The following DLGAP4 variants were observed in gnomAD, a reference collection of about 807,000 sequenced individuals.
DLGAP4 encodes the protein DLG associated protein 4.
Under a neutral mutation model 86.9 loss-of-function variants are expected in DLGAP4, and 18 were observed. That is an observed-to-expected ratio of 0.21 (90% confidence interval 0.14 to 0.31). DLGAP4 has a LOEUF of 0.31. DLGAP4 is among the 10% of genes least tolerant of loss of function. The probability of loss-of-function intolerance (pLI) is 1.00; values close to 1 mark genes in which losing one functional copy is unlikely to be tolerated. For synonymous variants in DLGAP4, 548 were observed against 574.3 expected, an observed-to-expected ratio of 0.95 and a Z score of 0.65; for missense variants, 1,085 against 1,362.6, an observed-to-expected ratio of 0.80 and a Z score of 3.21.
At chr20:36,465,927 C>T (rs2034331718) in intron 7 of DLGAP4, among the ~76,000 whole-genome samples, 1 of 152,200 alleles carries the variant, frequency 6.6e-6, no homozygotes, top group South Asian at 2.1e-4. Flanking sequence ...TCAAATGCCA[C>T]CTCCCCCAGG....
intron 2 of DLGAP4, among the ~76,000 whole-genome samples, chr20:36,373,774 C>T (rs1403841959): frequency 6.6e-6 from 1 of 152,100 alleles, no homozygotes; most frequent in East Asian, 1.9e-4. Context: ...GGCTCATGCC[C>T]GTAATCCCAG....
At chr20:36,442,590 C>T (rs549063337) in intron 5 of DLGAP4, 137 bp from the exon 6 acceptor site, 36 of 908,010 alleles carry the variant, frequency 4.0e-5, no homozygotes, top group Non-Finnish European at 6.0e-5. Context: ...AGTGAGACCT[C>T]CTAGCAGCTG....
intron 2 of DLGAP4, among the ~76,000 whole-genome samples, chr20:36,407,644 A>G (rs941935068): frequency 6.6e-6 from 1 of 152,046 alleles, no homozygotes; most frequent in African/African-American, 2.4e-5. Flanking sequence ...CAGGCAGAAG[A>G]TATGGCAACC....
rs781112657 is a variant in DLGAP4 at position 36,437,247 on chromosome 20, C to CCACA, written c.1241+898_1241+901dup. Among the ~76,000 whole-genome samples the CCACA allele has an allele frequency of 5.3e-5, 8 of 152,324 alleles. No individual in the cohort carries two copies. The East Asian group carries it at 7.7e-4, about 15-fold the overall frequency. On this transcript the variant is annotated intron_variant, in intron 4 of 12. Coordinates refer to ENST00000339266, the MANE Select transcript of DLGAP4 (RefSeq NM_001365621.2). ...TGGAGAACTACCCCTTGAGCCCCAC[C>CCACA]CACAGTTCAGCCCTGACCACAGGTG...
At chr20:36,525,544 G>T in intron 11 of DLGAP4, 1 of 435,282 alleles carries the variant, frequency 2.3e-6, no homozygotes, top group Non-Finnish European at 4.3e-6. Context: ...GTCACACCAT[G>T]GCCAAGAACT....
At chr20:36,324,623 A>C (rs2065199503) in intron 1 of DLGAP4, among the ~76,000 whole-genome samples, 1 of 152,150 alleles carries the variant, frequency 6.6e-6, no homozygotes, top group Non-Finnish European at 1.5e-5. Flanking sequence ...CCTTTCGAAA[A>C]TCAATTAACC....
intron 7 of DLGAP4, among the ~76,000 whole-genome samples, chr20:36,458,080 G>A (rs912599452): frequency 6.6e-6 from 1 of 152,150 alleles, no homozygotes; most frequent in African/African-American, 2.4e-5. Context: ...GGTAAGAGGT[G>A]AGGTTCGAGG....
At chr20:36,503,477 G>GC in intron 10 of DLGAP4, among the ~76,000 whole-genome samples, 1 of 138,548 alleles carries the variant, frequency 7.2e-6, no homozygotes, top group Non-Finnish European at 1.5e-5. Context: ...ACCATATATG[G>GC]CCTTTTTTTT....
chr20:36,516,661 G>A (rs888614361), intron 10 of DLGAP4, among the ~76,000 whole-genome samples: 16 of 132,880 alleles, frequency 1.2e-4, no homozygotes, highest in Admixed American at 1.2e-3. Context: ...GCTAGACTCC[G>A]TCTCAGGAAA....
chr20:36,421,661 G>A (rs1230780539), intron 2 of DLGAP4, among the ~76,000 whole-genome samples: 1 of 151,968 alleles, frequency 6.6e-6, no homozygotes, highest in East Asian at 1.9e-4. Context: ...TGCTGGGGTA[G>A]TGAAAGAGGA....
At chr20:36,439,619 G>C in intron 4 of DLGAP4, 135 bp from the exon 5 acceptor site, 1 of 705,694 alleles carries the variant, frequency 1.4e-6, no homozygotes, top group Non-Finnish European at 2.4e-6. Flanking sequence ...TCAAATACAA[G>C]CTGGTGCTGC....
Position 36,432,099 on chromosome 20 carries a change from G to A in DLGAP4, c.382G>A (p.Glu128Lys), listed in dbSNP as rs758516742. ...CAGCACCCTCCAATTTCCCCGTGGCGAGGCCAAGGCCCGTGGTGAGAGCCC... is the reference window on the plus strand; with the variant it reads ...CAGCACCCTCCAATTTCCCCGTGGCAAGGCCAAGGCCCGTGGTGAGAGCCC... ...GFSTLQFPRG[E>K]AKARGESPGR... Residue 128 changes from glutamate (E) to lysine (K), a missense_variant, in exon 3 of 13, where the codon GAG becomes AAG. By Grantham distance (56) the Glu-to-Lys change is moderately conservative. Coordinates refer to ENST00000339266, the MANE Select transcript of DLGAP4 (RefSeq NM_001365621.2). This position sits in a 1 kb window ranked among gnomAD's most constrained non-coding sequence, Gnocchi z 6.5. 43 of 1,614,024 alleles carry A rather than the reference G, an allele frequency of 2.7e-5. No individual in the cohort carries two copies. The highest frequency in any genetic ancestry group is 2.8e-5 in the Non-Finnish European group (33 of 1,180,046).
intron 7 of DLGAP4, among the ~76,000 whole-genome samples, chr20:36,487,583 C>T (rs534249482): frequency 6.6e-6 from 1 of 152,336 alleles, no homozygotes; most frequent in African/African-American, 2.4e-5. Flanking sequence ...CACTCAGCAT[C>T]TGTCCTCCCA....
intron 3 of DLGAP4, among the ~76,000 whole-genome samples, chr20:36,435,879 C>G (rs1163398631): frequency 6.6e-6 from 1 of 152,168 alleles, no homozygotes; most frequent in Non-Finnish European, 1.5e-5. Flanking sequence ...CTGGGGCAAA[C>G]CCAGCCTGGG....
chr20:36,404,919 G>A (rs1010293471), intron 2 of DLGAP4, among the ~76,000 whole-genome samples: 32 of 152,334 alleles, frequency 2.1e-4, no homozygotes, highest in African/African-American at 7.5e-4. Context: ...CTGGAGGGAG[G>A]CAGCTGCGGT....
At chr20:36,484,496 G>T (rs1235888679) in intron 7 of DLGAP4, among the ~76,000 whole-genome samples, 1 of 152,246 alleles carries the variant, frequency 6.6e-6, no homozygotes, top group East Asian at 1.9e-4. Context: ...TCCCTCTCAG[G>T]CCTCTGCTCC....
chr20:36,336,620 ACT>A (rs1379326395), intron 1 of DLGAP4, among the ~76,000 whole-genome samples: 13 of 151,932 alleles, frequency 8.6e-5, no homozygotes, highest in Non-Finnish European at 2.9e-5. Context: ...TGGATGAGTG[ACT>A]CTCCTAACTG....
In DLGAP4 at chr20:36,395,278, A is replaced by G. The variant is rs144843556; in HGVS notation, c.-73+28003A>G. ...GTATTGTTGCATGACATTATATTATATATTCATTTACCTGTTACCTGTCTC... is the reference window on the plus strand; with the variant it reads ...GTATTGTTGCATGACATTATATTATGTATTCATTTACCTGTTACCTGTCTC... On this transcript the variant is annotated intron_variant, in intron 2 of 12. Transcript: ENST00000339266. Among the ~76,000 whole-genome samples, 110 of 152,212 alleles carry G rather than the reference A, an allele frequency of 7.2e-4. 1 individual carries two copies. The highest frequency in any genetic ancestry group is 2.6e-3 in the African/African-American group (107 of 41,518).
At chr20:36,356,286 G>A (rs1292567033) in intron 1 of DLGAP4, among the ~76,000 whole-genome samples, 1 of 151,728 alleles carries the variant, frequency 6.6e-6, no homozygotes, top group Non-Finnish European at 1.5e-5. Context: ...AGCTTGAGAT[G>A]GTTTCATTGT....
Sources: gnomAD v4.1 joint callset for allele counts (sites outside exome capture counted in the v4.1 genomes callset) on GRCh38, gnomAD v4.1.1 for gene constraint, Gnocchi (gnomAD v3.1) non-coding constraint, MANE v1.5 for transcripts, NCBI Gene and HGNC (gene_info 2026-07-23, HGNC 2026-07-21) for gene names.